Variants in ASAP2 observed in about 807,000 individuals in gnomAD.
The protein encoded by ASAP2 is arf-GAP with SH3 domain, ANK repeat and PH domain-containing protein 2.
Under a neutral mutation model 131.4 loss-of-function variants are expected in ASAP2, and 45 were observed. The ratio of observed to expected loss-of-function variants is 0.34; its 90% CI spans 0.27 to 0.44. The LOEUF is 0.44. ASAP2 is among the 20% of genes least tolerant of loss of function. The pLI, the probability that ASAP2 is intolerant of heterozygous loss-of-function variation, is 1.00. For synonymous variants in ASAP2, 510 were observed against 503.0 expected (o/e 1.01, Z -0.19); for missense variants, 1,011 against 1,297.0 (o/e 0.78, Z 3.39).
chr2:9,399,832 T>C, intron 24 of ASAP2, 191 bp from the exon 25 acceptor site: 1 of 614,654 alleles, frequency 1.6e-6, no homozygotes, highest in East Asian at 2.8e-5. Flanking sequence ...ATCAGAAACG[T>C]TGAATTTAGC....
intron 27 of ASAP2, among the ~76,000 whole-genome samples, chr2:9,401,699 C>G (rs1175124708): frequency 1.3e-5 from 2 of 152,210 alleles, no homozygotes; most frequent in African/African-American, 2.4e-5. Context: ...TCATCACCCC[C>G]CATTGCTGGA....
chr2:9,289,893 T>C (rs1315315643), intron 2 of ASAP2, among the ~76,000 whole-genome samples: 2 of 152,188 alleles, frequency 1.3e-5, no homozygotes, highest in African/African-American at 4.8e-5. Context: ...GGAATCACAT[T>C]CCAAGGGACT....
At position 9,268,892 on chromosome 2, in the gene ASAP2, A is replaced by G. The variant is rs562933990; in HGVS notation, c.127-10425A>G. Among the ~76,000 whole-genome samples, 1 of 151,892 alleles carries G rather than the reference A, an allele frequency of 6.6e-6. No individual in the cohort carries two copies. The highest frequency in any genetic ancestry group is 2.1e-4 in the South Asian group (1 of 4,800). ...CTAAGAAGGAAGCCAGCCTCTTCCC[A>G]CCCCTGCTGGTTCGCATTGAGAACT... On this transcript the variant is annotated intron_variant, in intron 1 of 27. Transcript: ENST00000281419. This position sits in a 1 kb window ranked among gnomAD's most constrained non-coding sequence, Gnocchi z 4.1.
At chr2:9,317,504 C>T (rs1669822376) in intron 3 of ASAP2, among the ~76,000 whole-genome samples, 1 of 150,294 alleles carries the variant, frequency 6.7e-6, no homozygotes. Flanking sequence ...CACCCACTTA[C>T]ACCCCCACAA....
chr2:9,335,318 T>C, intron 9 of ASAP2, 139 bp downstream of exon 9: 2 of 697,354 alleles, frequency 2.9e-6, no homozygotes, highest in South Asian at 3.6e-5. Context: ...ACATTTAATG[T>C]ATTCTTGCAA....
chr2:9,370,550 A>G, intron 16 of ASAP2, among the ~76,000 whole-genome samples: 1 of 152,202 alleles, frequency 6.6e-6, no homozygotes, highest in Admixed American at 6.5e-5. Flanking sequence ...GCCATGGGAC[A>G]CCGGCAGATT....
chr2:9,380,932 G>C, intron 20 of ASAP2, 124 bp downstream of exon 20: 1 of 1,059,486 alleles, frequency 9.4e-7, no homozygotes, highest in East Asian at 2.4e-5. Flanking sequence ...TTTCTGATGG[G>C]ATGAGCCGAG....
In ASAP2 at chr2:9,358,061, G is replaced by A. The variant is rs145169553; in HGVS notation, c.1328-695G>A. 1.3e-3 allele frequency among the ~76,000 whole-genome samples: 205 copies of A among 152,292 alleles called. 3 individuals are homozygous for A. Among genetic ancestry groups the A allele is most frequent in the African/African-American group, 4.6e-3 (193 of 41,554 alleles). ...AGTAGCCGAGCTGTGAGGGGAAAAC[G>A]TGGCTTTGAACTCAGGTAGAGGCAG... On this transcript the variant is annotated intron_variant, in intron 14 of 27. Coordinates refer to ENST00000281419, the MANE Select transcript of ASAP2 (RefSeq NM_003887.3).
chr2:9,381,216 A>G (rs1674812204), intron 20 of ASAP2, among the ~76,000 whole-genome samples: 1 of 152,198 alleles, frequency 6.6e-6, no homozygotes, highest in Non-Finnish European at 1.5e-5. Context: ...GGGTTGCTCA[A>G]TACCATCTTT....
rs796793555 is a variant in ASAP2, at chr2:9,380,800, G to A, written c.2008G>A (p.Glu670Lys). ...IAKRLKHEHC[E>K]ELLTQALSGR... ...CAAGCGCCTCAAGCACGAGCACTGT[G>A]AGGAGCTGGTGAGTCTCCCACCACA... The change falls in exon 20 of 28, where the codon GAG (glutamate) becomes AAG (lysine). Residue 670 changes from glutamate (E) to lysine (K), a missense_variant. This residue lies in a region of ASAP2 where 652 missense variants were observed against 698.9 expected (regional missense o/e 0.93). Transcript: ENST00000281419. 3 of 1,614,078 alleles carry A rather than the reference G, an allele frequency of 1.9e-6. No individual in the cohort carries two copies. In the South Asian group the frequency reaches 3.3e-5, roughly 18 times the overall value.
At position 9,232,992 on chromosome 2, in the gene ASAP2, T is replaced by C. The variant is rs1176917103; in HGVS notation, c.126+25762T>C. Among the ~76,000 whole-genome samples, 2 of 152,246 alleles carry C rather than the reference T, an allele frequency of 1.3e-5. No individual in the cohort carries two copies. Among genetic ancestry groups the C allele is most frequent in the East Asian group, 3.8e-4 (2 of 5,204 alleles). On this transcript the variant is annotated intron_variant, in intron 1 of 27. Coordinates refer to ENST00000281419, the MANE Select transcript of ASAP2 (RefSeq NM_003887.3). This position sits in a 1 kb window ranked among gnomAD's most constrained non-coding sequence, Gnocchi z 4.1. ...TCTATTGCCAGCAGGAATCCAAGGA[T>C]TTCCTTTATTATTTCCAAATTGCTG...
chr2:9,317,742 ACACT>A (rs1009498989), intron 3 of ASAP2, among the ~76,000 whole-genome samples: 6 of 151,158 alleles, frequency 4.0e-5, no homozygotes, highest in African/African-American at 9.7e-5. Context: ...ACTCACATCC[ACACT>A]CACACTCACA....
intron 2 of ASAP2, among the ~76,000 whole-genome samples, chr2:9,290,361 C>G (rs1421757077): frequency 6.6e-6 from 1 of 152,108 alleles, no homozygotes; most frequent in Non-Finnish European, 1.5e-5. Context: ...AGACACCTGC[C>G]ACCACTCCTG....
chr2:9,261,759 G>T (rs1006589499), intron 1 of ASAP2, among the ~76,000 whole-genome samples: 3 of 152,192 alleles, frequency 2.0e-5, no homozygotes, highest in Admixed American at 2.0e-4. Context: ...GAGAGGCCCC[G>T]CTGGTGGTGT....
chr2:9,327,925 T>C lies in ASAP2; in HGVS notation c.686+14T>C. The C allele has an allele frequency of 3.2e-6, 5 of 1,549,844 alleles. No individual in the cohort carries two copies. The highest frequency in any genetic ancestry group is 2.4e-5 in the East Asian group (1 of 41,732). On this transcript the variant is annotated intron_variant, in intron 7 of 27. Coordinates refer to ENST00000281419, the MANE Select transcript of ASAP2 (RefSeq NM_003887.3). ...TGCCCAATGCAAGTAAGTTCTTCTC[T>C]GTTATGTTATCTTAAATGTTTGTTC...
At chr2:9,347,149 G>A (rs1432267674) in intron 11 of ASAP2, among the ~76,000 whole-genome samples, 1 of 152,304 alleles carries the variant, frequency 6.6e-6, no homozygotes, top group South Asian at 2.1e-4. Context: ...TCACTTCCTC[G>A]CTGCCATGCA....
chr2:9,249,649 G>A (rs1052710356), intron 1 of ASAP2, among the ~76,000 whole-genome samples: 3 of 152,230 alleles, frequency 2.0e-5, no homozygotes, highest in African/African-American at 7.2e-5. Flanking sequence ...ACACTGTCGT[G>A]TGGACAGAAA....
chr2:9,230,192 T>C (rs541020992), intron 1 of ASAP2, among the ~76,000 whole-genome samples: 1 of 152,288 alleles, frequency 6.6e-6, no homozygotes, highest in South Asian at 2.1e-4. Flanking sequence ...GATTACCATA[T>C]GGTGTGATAA....
At chr2:9,271,717 G>A (rs369819965) in intron 1 of ASAP2, 2 of 462,212 alleles carry the variant, frequency 4.3e-6, no homozygotes, top group Non-Finnish European at 7.5e-6. Flanking sequence ...GGGGCCCAAG[G>A]GGGAGGCTGC....
Sources: gnomAD v4.1 joint callset for allele counts (sites outside exome capture counted in the v4.1 genomes callset) on GRCh38, gnomAD v4.1.1 for gene constraint, gnomAD v4.1.1 regional missense constraint, Gnocchi (gnomAD v3.1) non-coding constraint, MANE v1.5 for transcripts, NCBI Gene and HGNC (gene_info 2026-07-23, HGNC 2026-07-21) for gene names.